DENND2C: variants seen among roughly 807,000 people sequenced by gnomAD.
The protein encoded by DENND2C is DENN domain-containing protein 2C.
Under a neutral mutation model 112.4 loss-of-function variants are expected in DENND2C, and 72 were observed. The observed-to-expected ratio is 0.64, with a 90% CI of 0.53 to 0.78. The LOEUF (loss-of-function observed/expected upper bound fraction) is 0.78. Among genes scored for constraint, DENND2C ranks in the 30% least tolerant of loss-of-function variants. The probability of loss-of-function intolerance (pLI) is 0.00; values close to 1 mark genes in which losing one functional copy is unlikely to be tolerated. For synonymous variants in DENND2C, 329 were observed against 381.6 expected (o/e 0.86, Z 1.61); for missense variants, 992 against 1,113.8 (o/e 0.89, Z 1.56).
intron 3 of DENND2C, among the ~76,000 whole-genome samples, chr1:114,637,974 G>GA (rs915861132): frequency 5.3e-5 from 8 of 152,228 alleles, no homozygotes; most frequent in African/African-American, 1.9e-4. Flanking sequence ...GAAAGGCAAA[G>GA]AATCTAGATT....
At chr1:114,622,778 A>T (rs1656200441) in intron 6 of DENND2C, among the ~76,000 whole-genome samples, 1 of 149,114 alleles carries the variant, frequency 6.7e-6, no homozygotes, top group Non-Finnish European at 1.5e-5. Context: ...ATATTCAATT[A>T]TTTTTGAAGT....
intron 18 of DENND2C, among the ~76,000 whole-genome samples, chr1:114,592,033 T>C (rs1655208306): frequency 6.6e-6 from 1 of 152,016 alleles, no homozygotes; most frequent in Non-Finnish European, 1.5e-5. Context: ...TACAGGCGCG[T>C]ACCACCACAC....
At position 114,623,651 on chromosome 1, in the gene DENND2C, AAGG is replaced by A. The variant is rs1390796495; in HGVS notation, c.807-11_807-9del. Reference sequence around the variant, plus strand: ...TCAAATTCAAAGGATTTCCTTAAAAAAGGAGATATATTTTAAAGTTATATCTTT... The same window carrying A: ...TCAAATTCAAAGGATTTCCTTAAAAAAGATATATTTTAAAGTTATATCTTT... On this transcript the variant is annotated splice_polypyrimidine_tract_variant and intron_variant, in intron 4 of 20. Transcript: ENST00000393274. The A allele has an allele frequency of 6.3e-7, 1 of 1,579,058 alleles. No individual in the cohort carries two copies. The highest frequency in any genetic ancestry group is 8.6e-7 in the Non-Finnish European group (1 of 1,165,086).
intron 11 of DENND2C, among the ~76,000 whole-genome samples, chr1:114,602,633 T>C (rs1336721022): frequency 6.6e-6 from 1 of 151,694 alleles, no homozygotes; most frequent in African/African-American, 2.4e-5. Flanking sequence ...TGCAAACAGA[T>C]CTCACTGCAG....
Position 114,608,698 on chromosome 1 carries a change from T to C in DENND2C, c.1545A>G (p.Gln515=). The C allele has an allele frequency of 6.2e-7, 1 of 1,613,666 alleles. No homozygotes were observed. Among genetic ancestry groups the C allele is most frequent in the Non-Finnish European group, 8.5e-7 (1 of 1,179,800 alleles). ...GISYIPQVIQ[Q]FPGKDDHGYK... is the part of the protein sequence containing the mutation. ...TCCTTGTGCCTACCTTGCCAGGGAA[T>C]TGTTGTATGACCTGGGGAATATAGC... Residue 515 remains glutamine (Q), a synonymous_variant, in exon 10 of 21, where the codon CAA becomes CAG. Transcript: ENST00000393274.
intron 11 of DENND2C, 63 bp downstream of exon 11, chr1:114,604,859 C>A: frequency 8.1e-7 from 1 of 1,238,026 alleles, no homozygotes; most frequent in South Asian, 1.2e-5. Flanking sequence ...ACCCATTTCT[C>A]AAATACTCTG....
chr1:114,608,428 T>A (rs971293855), intron 10 of DENND2C, among the ~76,000 whole-genome samples: 3 of 152,224 alleles, frequency 2.0e-5, no homozygotes, highest in Non-Finnish European at 4.4e-5. Flanking sequence ...TAAGGTTTTG[T>A]AACTTGTTAA....
intron 8 of DENND2C, 116 bp downstream of exon 8, chr1:114,618,270 G>A (rs1557946946): frequency 1.8e-6 from 1 of 548,018 alleles, no homozygotes; most frequent in African/African-American, 2.0e-5. Flanking sequence ...TTACAGGTGT[G>A]AGCCACCACG....
chr1:114,619,815 T>C (rs1445521227), intron 7 of DENND2C, among the ~76,000 whole-genome samples: 1 of 152,160 alleles, frequency 6.6e-6, no homozygotes, highest in East Asian at 1.9e-4. Flanking sequence ...TATATTCAAG[T>C]ATAAAGGAAA....
intron 1 of DENND2C, among the ~76,000 whole-genome samples, chr1:114,661,701 A>G (rs961656135): frequency 6.6e-6 from 1 of 152,170 alleles, no homozygotes; most frequent in Non-Finnish European, 1.5e-5. Flanking sequence ...TTCTCAGGTG[A>G]CCATTTCCCT....
intron 10 of DENND2C, among the ~76,000 whole-genome samples, chr1:114,606,506 G>A (rs776179476): frequency 3.3e-5 from 5 of 152,196 alleles, no homozygotes; most frequent in East Asian, 1.9e-4. Flanking sequence ...GAAAGAAGTC[G>A]TCCAAGTAAT....
chr1:114,649,970 G>A (rs985068000), intron 2 of DENND2C, among the ~76,000 whole-genome samples: 4 of 152,058 alleles, frequency 2.6e-5, no homozygotes, highest in Non-Finnish European at 4.4e-5. Flanking sequence ...TTATACAGAT[G>A]CAATTACAGT....
intron 10 of DENND2C, among the ~76,000 whole-genome samples, chr1:114,605,457 TCCAAACAATAA>T (rs1464689903): frequency 6.6e-6 from 1 of 152,218 alleles, no homozygotes; most frequent in Non-Finnish European, 1.5e-5. Context: ...CAAGACACTT[TCCAAACAATAA>T]TCAAAGAAGC....
chr1:114,611,778 A>AACAAAC (rs1553233995), intron 8 of DENND2C, among the ~76,000 whole-genome samples: 2 of 148,278 alleles, frequency 1.3e-5, no homozygotes, highest in Non-Finnish European at 3.0e-5. Flanking sequence ...GAGCACAGGC[A>AACAAAC]ACACACACAC....
chr1:114,622,090 T>C (rs769965192), intron 6 of DENND2C, 25 bp from the exon 7 acceptor site: 1 of 1,499,604 alleles, frequency 6.7e-7, no homozygotes, highest in South Asian at 1.3e-5. Flanking sequence ...GATGTACTGG[T>C]AAGATCACCT....
intron 3 of DENND2C, among the ~76,000 whole-genome samples, chr1:114,643,606 A>G (rs1030845765): frequency 1.3e-5 from 2 of 152,204 alleles, no homozygotes; most frequent in Admixed American, 1.3e-4. Flanking sequence ...AAACAGCCTT[A>G]TAAGTAACTA....
chr1:114,619,831 CTG>C (rs1282707515), intron 7 of DENND2C, among the ~76,000 whole-genome samples: 26 of 152,142 alleles, frequency 1.7e-4, no homozygotes, highest in African/African-American at 6.0e-4. Flanking sequence ...GGAAAGATAA[CTG>C]TTCTAAAACT....
At position 114,665,502 on chromosome 1, in the gene DENND2C, T is replaced by C. The variant is rs140286763; in HGVS notation, c.-574+4481A>G. 9.4e-4 allele frequency among the ~76,000 whole-genome samples: 143 copies of C among 152,318 alleles called. 1 individual carries two copies. Among genetic ancestry groups the C allele is most frequent in the Middle Eastern group, 3.4e-3 (1 of 294 alleles). On this transcript the variant is annotated intron_variant, in intron 1 of 20. Coordinates refer to ENST00000393274, the MANE Select transcript of DENND2C (RefSeq NM_001256404.2). The stretch of plus-strand genomic sequence containing the variant: ...ACTTTATGATGGTGCCAAAGCAGTA[T>C]GTGCTCAGTACCCTCCTTAACTTAT...
intron 2 of DENND2C, among the ~76,000 whole-genome samples, chr1:114,652,117 T>G (rs1657184096): frequency 6.6e-6 from 1 of 152,176 alleles, no homozygotes; most frequent in Non-Finnish European, 1.5e-5. Flanking sequence ...CTTGGCTGGA[T>G]GCCTGTGTGT....
Sources: allele counts gnomAD v4.1 joint callset (sites outside exome capture counted in the v4.1 genomes callset), GRCh38; gene constraint gnomAD v4.1.1; transcripts MANE v1.5; gene names NCBI Gene and HGNC (gene_info 2026-07-23, HGNC 2026-07-21).